ARFGEF1: variants seen among roughly 807,000 people sequenced by gnomAD.
The protein encoded by ARFGEF1 is brefeldin A-inhibited guanine nucleotide-exchange protein 1.
ARFGEF1 carries 42 observed loss-of-function variants against 231.0 expected under a neutral mutation model. That is an observed-to-expected ratio of 0.18 (90% CI 0.14 to 0.24). The LOEUF (loss-of-function observed/expected upper bound fraction) is 0.24. ARFGEF1 is among the 10% of genes least tolerant of loss of function. The pLI is 1.00. For missense variants in ARFGEF1, 1,345 were observed against 2,192.0 expected, an observed-to-expected ratio of 0.61 and a Z score of 7.72; for synonymous variants, 710 against 732.3, an observed-to-expected ratio of 0.97 and a Z score of 0.49.
At chr8:67,247,793 G>A (rs561015929) in intron 19 of ARFGEF1, among the ~76,000 whole-genome samples, 5 of 150,602 alleles carry the variant, frequency 3.3e-5, no homozygotes, top group South Asian at 4.2e-4. Flanking sequence ...CAGGTGATAC[G>A]ATCTTATATT....
At chr8:67,181,674 T>C (rs560015392) in intron 5 of ARFGEF1, among the ~76,000 whole-genome samples, 7 of 152,344 alleles carry the variant, frequency 4.6e-5, no homozygotes, top group African/African-American at 1.2e-4. Context: ...TTTAAAATTG[T>C]AAAATACACA....
rs759313590 is a variant in ARFGEF1, at chr8:67,343,320, C to A, written c.-33G>T. ...GAGAAGGAGGCGGCGGCTCGTCCGACCCGCGGCTCCCAGCGGCTGGAGGGG... is the reference window on the plus strand; with the variant it reads ...GAGAAGGAGGCGGCGGCTCGTCCGAACCGCGGCTCCCAGCGGCTGGAGGGG... On this transcript the variant is annotated 5_prime_UTR_variant, in exon 1 of 39. Transcript: ENST00000262215. 12 of 1,605,632 alleles carry A rather than the reference C, an allele frequency of 7.5e-6. No homozygotes were observed. In the African/African-American group the frequency reaches 1.5e-4, roughly 20 times the overall value.
intron 1 of ARFGEF1, among the ~76,000 whole-genome samples, chr8:67,305,286 G>T (rs1405875397): frequency 6.6e-6 from 1 of 152,138 alleles, no homozygotes; most frequent in Non-Finnish European, 1.5e-5. Flanking sequence ...AGTTTTTACA[G>T]CTGAACATCT....
intron 14 of ARFGEF1, among the ~76,000 whole-genome samples, chr8:67,263,433 G>T (rs564561596): frequency 6.6e-6 from 1 of 152,284 alleles, no homozygotes; most frequent in Non-Finnish European, 1.5e-5. Context: ...TCCTTCACTA[G>T]CACGCTAGCG....
intron 1 of ARFGEF1, among the ~76,000 whole-genome samples, chr8:67,331,033 T>A (rs906388657): frequency 5.3e-5 from 8 of 151,930 alleles, no homozygotes; most frequent in African/African-American, 1.9e-4. Context: ...AAGAAAATCC[T>A]TAAGTTATTT....
At chr8:67,196,425 T>C (rs1385303406), downstream of ARFGEF1, among the ~76,000 whole-genome samples, 1 of 152,146 alleles carries the variant, frequency 6.6e-6, no homozygotes, top group Non-Finnish European at 1.5e-5. Flanking sequence ...CAGTAAGTGA[T>C]ACTTCTAAAA....
intron 5 of ARFGEF1, among the ~76,000 whole-genome samples, chr8:67,185,844 A>G (rs1834429270): frequency 6.6e-6 from 1 of 152,230 alleles, no homozygotes; most frequent in Non-Finnish European, 1.5e-5. Flanking sequence ...TCAAATCAGA[A>G]TGGAAAAGAC....
Position 67,198,664 on chromosome 8 carries a change from T to C in ARFGEF1, c.*270A>G. ...CCTGCCAAAAACGTGGGGCTTTTCC[T>C]GCCGTGGAAGACAGGGAAGGACCCG... On this transcript the variant is annotated 3_prime_UTR_variant, in exon 39 of 39. Transcript: ENST00000262215. The C allele has an allele frequency of 8.7e-7, 1 of 1,149,224 alleles. No individual in the cohort carries two copies. The highest frequency in any genetic ancestry group is 5.9e-5 in the East Asian group (1 of 16,946). 71.2% of individuals were successfully genotyped at this position (1,149,224 alleles called of 1,614,324 possible).
chr8:67,293,336 A>G (rs1474138342), intron 5 of ARFGEF1, among the ~76,000 whole-genome samples: 4 of 152,276 alleles, frequency 2.6e-5, no homozygotes, highest in African/African-American at 4.8e-5. Flanking sequence ...TCGTCACTGT[A>G]TAAGTGAGGC....
chr8:67,203,396 C>A lies in ARFGEF1; in HGVS notation c.4960-145G>T, dbSNP rs527258528. The A allele has an allele frequency of 1.8e-5, 16 of 911,974 alleles. No homozygotes were observed. In the African/African-American group the frequency reaches 2.5e-4, roughly 14 times the overall value. The allele number at this position is 911,974 out of a possible 1,614,324, so 56.5% of individuals were successfully genotyped here. On this transcript the variant is annotated intron_variant, in intron 35 of 38. Transcript: ENST00000262215. Reference sequence around the variant, plus strand: ...AACCTAACAGAAAGTAAGGGAAGGTCCACCTTCCAGTACGCATCCTCGTCC... The same window carrying A: ...AACCTAACAGAAAGTAAGGGAAGGTACACCTTCCAGTACGCATCCTCGTCC...
Position 67,257,720 on chromosome 8 carries a change from A to C in ARFGEF1, c.2526+12T>G, listed in dbSNP as rs745752282. On this transcript the variant is annotated intron_variant, in intron 17 of 38. Transcript: ENST00000262215. ...ACCGCTTATTGTAAAACTGACTTAA[A>C]AGAAAACATACCTGTGGACTGTGAA... 4.4e-6 allele frequency: 7 copies of C among 1,574,108 alleles called. No individual in the cohort carries two copies. In the Admixed American group the frequency reaches 1.3e-4, roughly 29 times the overall value.
intron 3 of ARFGEF1, among the ~76,000 whole-genome samples, chr8:67,299,991 T>C (rs2128914599): frequency 6.6e-6 from 1 of 152,158 alleles, no homozygotes; most frequent in South Asian, 2.1e-4. Context: ...AAAAAATTGC[T>C]TATTGCTTTC....
At position 67,181,030 on chromosome 8, in the gene ARFGEF1, G is replaced by GT. The variant is rs376605644; in HGVS notation, c.561-5459dup. On this transcript the variant is annotated intron_variant, in intron 5 of 5. Transcript: ENST00000518789. ...ATTAACTTATATTTTTCTCTTAATG[G>GT]TTTTTTTTTTGTTGTTGCTGTTTTT... is the stretch of plus-strand genomic sequence containing the variant. 5.6e-3 allele frequency among the ~76,000 whole-genome samples: 830 copies of GT among 147,656 alleles called. 8 individuals are homozygous for GT. Among genetic ancestry groups the GT allele is most frequent in the African/African-American group, 0.016 (635 of 40,320 alleles).
intron 7 of ARFGEF1, among the ~76,000 whole-genome samples, chr8:67,286,611 T>TA (rs1805769451): frequency 6.6e-6 from 1 of 152,232 alleles, no homozygotes; most frequent in Non-Finnish European, 1.5e-5. Flanking sequence ...CCACAGGCCG[T>TA]AATGTGCCAA....
chr8:67,240,285 A>G lies in ARFGEF1; in HGVS notation c.2856T>C (p.Ala952=). 1 of 1,588,776 alleles carries G rather than the reference A, an allele frequency of 6.3e-7. No individual in the cohort carries two copies. The highest frequency in any genetic ancestry group is 8.5e-7 in the Non-Finnish European group (1 of 1,174,002). Residue 952 remains alanine (A), a synonymous_variant, in exon 20 of 39, where the codon GCT becomes GCC. Coordinates refer to ENST00000262215, the MANE Select transcript of ARFGEF1 (RefSeq NM_006421.5). ...TGAATGCAGCCAGAAAAGGCGTCCA[A>G]GCCAACTACAAAAATTAAAAATTGT... is the stretch of plus-strand genomic sequence containing the variant. ...LEHVRPMFKL[A]WTPFLAAFSV...
chr8:67,312,950 G>A (rs1210060834), intron 1 of ARFGEF1, among the ~76,000 whole-genome samples: 1 of 151,968 alleles, frequency 6.6e-6, no homozygotes, highest in African/African-American at 2.4e-5. Context: ...CAATCAAAAT[G>A]GAATTCTAAA....
At chr8:67,316,770 T>C (rs1807336858) in intron 1 of ARFGEF1, among the ~76,000 whole-genome samples, 1 of 152,184 alleles carries the variant, frequency 6.6e-6, no homozygotes, top group African/African-American at 2.4e-5. Flanking sequence ...TGAACTGTTG[T>C]ATAATTAAGA....
At chr8:67,218,205 AAAATATATATATATATAT>A in intron 30 of ARFGEF1, 67 bp from the exon 31 acceptor site, 1 of 153,318 alleles carries the variant, frequency 6.5e-6, no homozygotes, top group Non-Finnish European at 9.5e-6. Context: ...AAAAAAAAAA[AAAATATATATATATATAT>A]ATATATATAT....
chr8:67,288,506 G>A (rs1358172776), intron 6 of ARFGEF1, among the ~76,000 whole-genome samples: 1 of 152,182 alleles, frequency 6.6e-6, no homozygotes, highest in Non-Finnish European at 1.5e-5. Flanking sequence ...GCCAAGGTGG[G>A]TGGATCACCT....
Sources: gnomAD v4.1 joint callset for allele counts (sites outside exome capture counted in the v4.1 genomes callset) on GRCh38, gnomAD v4.1.1 for gene constraint, MANE v1.5 for transcripts, NCBI Gene and HGNC (gene_info 2026-07-23, HGNC 2026-07-21) for gene names.